The following PTPRQ variants were observed in gnomAD, a reference collection of about 807,000 sequenced individuals.
PTPRQ encodes the protein protein tyrosine phosphatase receptor type Q.
A neutral mutation model predicts 246.0 loss-of-function variants in PTPRQ; 199 were observed. That is an observed-to-expected ratio of 0.81 (90% confidence interval 0.72 to 0.91). PTPRQ has a LOEUF of 0.91. Ranked by LOEUF, PTPRQ falls within the 40% of genes least tolerant of loss-of-function variation. The probability of loss-of-function intolerance (pLI) is 0.00; values close to 1 mark genes in which losing one functional copy is unlikely to be tolerated. For missense variants in PTPRQ, 2,624 were observed against 2,528.4 expected, an observed-to-expected ratio of 1.04 and a Z score of -0.81; for synonymous variants, 869 against 853.2, an observed-to-expected ratio of 1.02 and a Z score of -0.32.
chr12:80,583,993 T>G (rs1897531569), intron 25 of PTPRQ: 1 of 152,168 alleles, frequency 6.6e-6, no homozygotes, highest in South Asian at 2.1e-4. Context: ...ATAGAGAAAT[T>G]TTTGTACGTT....
chr12:80,668,224 A>G (rs1900849419), intron 39 of PTPRQ, among the ~76,000 whole-genome samples: 1 of 151,922 alleles, frequency 6.6e-6, no homozygotes, highest in Admixed American at 6.6e-5. Flanking sequence ...GATACTGTTC[A>G]CAATTATATA....
At chr12:80,461,966 A>G in intron 6 of PTPRQ, 1 of 654,920 alleles carries the variant, frequency 1.5e-6, no homozygotes, top group Non-Finnish European at 2.7e-6. Context: ...CCGCATTTTC[A>G]TCTAAGGTAC....
At position 80,493,276 on chromosome 12, in the gene PTPRQ, A is replaced by ACCC; in HGVS notation, c.1361_1362insCCC (p.Tyr454_Ile455insPro). 1.3e-6 allele frequency: 2 copies of ACCC among 1,520,170 alleles called. No homozygotes were observed. The highest frequency in any genetic ancestry group is 1.8e-6 in the Non-Finnish European group (2 of 1,133,614). 94.2% of individuals were successfully genotyped at this position (1,520,170 alleles called of 1,614,324 possible). A position where few individuals can be genotyped will look rare whatever the true frequency, so the allele number is the denominator to read the frequency against. On this transcript the variant is annotated inframe_insertion and splice_region_variant, in exon 10 of 45. Transcript: ENST00000644991. The stretch of plus-strand genomic sequence containing the variant: ...TAAAATATCTACTTTTAATTACAGT[A>ACCC]TATAAATGACCCCATGGCTCCAGAA...
chr12:80,667,406 C>T (rs1037159686), intron 39 of PTPRQ, among the ~76,000 whole-genome samples: 4 of 151,864 alleles, frequency 2.6e-5, no homozygotes, highest in African/African-American at 9.7e-5. Flanking sequence ...TTTATTTTTT[C>T]TGAATAACCT....
intron 35 of PTPRQ, 139 bp from the exon 36 acceptor site, chr12:80,648,757 AT>A: frequency 1.7e-6 from 1 of 586,774 alleles, no homozygotes; most frequent in East Asian, 3.6e-5. Context: ...AAAATTTAAA[AT>A]AATGATCATA....
Position 80,535,153 on chromosome 12 carries a change from T to C in PTPRQ, c.2985+116T>C, listed in dbSNP as rs1895948719. ...TTACATTGATAATTAGGCACAGATG[T>C]ATTTTATAAAACTCCCATTGACATA... On this transcript the variant is annotated intron_variant, in intron 19 of 44. Coordinates refer to ENST00000644991, the MANE Select transcript of PTPRQ (RefSeq NM_001145026.2). The C allele has an allele frequency of 5.6e-6, 6 of 1,065,242 alleles. No homozygotes were observed. The South Asian group carries it at 1.1e-4, about 19-fold the overall frequency. The allele number at this position is 1,065,242 out of a possible 1,614,324, so 66.0% of individuals were successfully genotyped here.
At chr12:80,487,517 A>G (rs1034176271) in intron 9 of PTPRQ, among the ~76,000 whole-genome samples, 1 of 152,152 alleles carries the variant, frequency 6.6e-6, no homozygotes, top group African/African-American at 2.4e-5. Flanking sequence ...ACCATGGTCC[A>G]GAAGGCTTTA....
intron 3 of PTPRQ, among the ~76,000 whole-genome samples, chr12:80,450,068 A>T (rs1020193563): frequency 6.6e-5 from 10 of 152,102 alleles, no homozygotes; most frequent in African/African-American, 2.4e-4. Context: ...AGTGGTTTGT[A>T]GTTCTCCTTG....
chr12:80,453,042 T>C (rs573214808), intron 3 of PTPRQ, among the ~76,000 whole-genome samples: 44 of 152,326 alleles, frequency 2.9e-4, no homozygotes, highest in African/African-American at 1.0e-3. Context: ...TAGTCCCGTA[T>C]TTCTTGGAGG....
intron 6 of PTPRQ, among the ~76,000 whole-genome samples, chr12:80,466,166 T>C (rs1893402695): frequency 6.6e-6 from 1 of 152,182 alleles, no homozygotes; most frequent in Admixed American, 6.5e-5. Flanking sequence ...AGTCTCAGGA[T>C]ACAAAATCAA....
In PTPRQ at chr12:80,542,868, C is replaced by G; in HGVS notation, c.3860C>G (p.Thr1287Ser). Residue 1287 changes from threonine to serine, a missense_variant, in exon 23 of 45, where the codon ACT (threonine) becomes AGT (serine). By Grantham distance (58) the Thr-to-Ser change is moderately conservative. Transcript: ENST00000644991. Reference protein sequence around the residue: ...SFKIHEHETDTIYYKNISGFK... With the variant: ...SFKIHEHETDSIYYKNISGFK... ...AAAATTCATGAACATGAAACTGACACTATATATTATAAGGTAGGTTGATTA... is the reference window on the plus strand; with the variant it reads ...AAAATTCATGAACATGAAACTGACAGTATATATTATAAGGTAGGTTGATTA... 1 of 1,509,128 alleles carries G rather than the reference C, an allele frequency of 6.6e-7. No homozygotes were observed. The highest frequency in any genetic ancestry group is 8.9e-7 in the Non-Finnish European group (1 of 1,121,880). The allele number at this position is 1,509,128 out of a possible 1,614,324, so 93.5% of individuals were successfully genotyped here. A position where few individuals can be genotyped will look rare whatever the true frequency, so the allele number is the denominator to read the frequency against.
intron 6 of PTPRQ, among the ~76,000 whole-genome samples, chr12:80,464,352 C>T (rs1468030288): frequency 1.6e-5 from 1 of 63,716 alleles, no homozygotes; most frequent in Non-Finnish European, 3.0e-5. Context: ...AATACAGGAG[C>T]ACCCAGATTC....
intron 25 of PTPRQ, among the ~76,000 whole-genome samples, chr12:80,567,996 T>G (rs1352445579): frequency 6.6e-6 from 1 of 152,202 alleles, no homozygotes; most frequent in Non-Finnish European, 1.5e-5. Context: ...TGATTCATTA[T>G]GTTGGATACT....
rs1158629518 is a variant in PTPRQ at position 80,495,177 on chromosome 12, ATTC to A, written c.1703-9_1703-7del. 1.0e-5 allele frequency: 16 copies of A among 1,544,652 alleles called. No individual in the cohort carries two copies. The highest frequency in any genetic ancestry group is 5.2e-6 in the Non-Finnish European group (6 of 1,145,084). ...ATACTTTTTTTTCATTCATATGTTC[ATTC>A]TTCTTTTTAAGTGCCAAGCTCCATT... On this transcript the variant is annotated splice_polypyrimidine_tract_variant and intron_variant, in intron 11 of 44. Transcript: ENST00000644991.
chr12:80,471,351 C>T (rs1216714083), intron 7 of PTPRQ, among the ~76,000 whole-genome samples: 1 of 151,198 alleles, frequency 6.6e-6, no homozygotes, highest in Non-Finnish European at 1.5e-5. Context: ...GTAAAGGAAA[C>T]ATTTAAAGCA....
At chr12:80,518,305 TA>T (rs1211871197) in intron 17 of PTPRQ, among the ~76,000 whole-genome samples, 1 of 152,220 alleles carries the variant, frequency 6.6e-6, no homozygotes, top group African/African-American at 2.4e-5. Flanking sequence ...TCTATTCAAA[TA>T]TTTTGTCCAT....
intron 39 of PTPRQ, among the ~76,000 whole-genome samples, chr12:80,661,313 A>C (rs146281918): frequency 0.011 from 1,660 of 148,672 alleles, 31 homozygotes; most frequent in African/African-American, 0.038. Flanking sequence ...ATATATGTAT[A>C]TATATAATAT....
chr12:80,656,310 T>G (rs954208434), intron 38 of PTPRQ, among the ~76,000 whole-genome samples: 2 of 152,144 alleles, frequency 1.3e-5, no homozygotes, highest in Non-Finnish European at 2.9e-5. Context: ...TATTATAAGC[T>G]TTCATGTAAA....
intron 43 of PTPRQ, among the ~76,000 whole-genome samples, chr12:80,678,362 T>C (rs1901211827): frequency 6.6e-6 from 1 of 152,182 alleles, no homozygotes; most frequent in Non-Finnish European, 1.5e-5. Context: ...AATATATTAA[T>C]ACTTGGTGTT....
Sources: gnomAD v4.1 joint callset for allele counts (sites outside exome capture counted in the v4.1 genomes callset) on GRCh38, gnomAD v4.1.1 for gene constraint, MANE v1.5 for transcripts, NCBI Gene and HGNC (gene_info 2026-07-23, HGNC 2026-07-21) for gene names.